Variants in MGAM observed in about 807,000 individuals in gnomAD.
MGAM encodes the protein alpha-1,4-glucosidase.
Under a neutral mutation model 358.8 loss-of-function variants are expected in MGAM, and 253 were observed. That is an observed-to-expected ratio of 0.71 (90% CI 0.64 to 0.78). The LOEUF (loss-of-function observed/expected upper bound fraction) is 0.78. MGAM is among the 30% of genes least tolerant of loss of function. MGAM has a pLI of 0.00. For missense variants in MGAM, 3,080 were observed against 3,432.6 expected (o/e 0.90, Z 2.57); for synonymous variants, 1,105 against 1,227.1 (o/e 0.90, Z 2.08).
intron 43 of MGAM, among the ~76,000 whole-genome samples, chr7:142,069,793 T>A (rs1182979141): frequency 6.9e-6 from 1 of 145,642 alleles, no homozygotes; most frequent in Non-Finnish European, 1.6e-5. Context: ...TACGTGAGAC[T>A]GGCCTTTGTC....
At chr7:142,105,292 C>T (rs1816749265) in intron 70 of MGAM, among the ~76,000 whole-genome samples, 1 of 117,110 alleles carries the variant, frequency 8.5e-6, no homozygotes, top group Admixed American at 9.3e-5. Context: ...GCATATTGAA[C>T]ATTTTTTTTT....
At chr7:142,059,332 C>A in intron 31 of MGAM, 140 bp from the exon 32 acceptor site, 1 of 1,401,870 alleles carries the variant, frequency 7.1e-7, no homozygotes, top group Non-Finnish European at 9.5e-7. Flanking sequence ...GCACCTGTAC[C>A]TAACAAATGG....
At chr7:142,020,877 C>G in intron 4 of MGAM, 97 bp from the exon 5 acceptor site, 1 of 857,492 alleles carries the variant, frequency 1.2e-6, no homozygotes, top group South Asian at 1.4e-5. Context: ...CAGGTGTGAA[C>G]CACTGCACCC....
At chr7:142,046,121 TTTA>T (rs1810374493) in intron 21 of MGAM, among the ~76,000 whole-genome samples, 1 of 144,746 alleles carries the variant, frequency 6.9e-6, no homozygotes, top group African/African-American at 2.5e-5. Flanking sequence ...TATTTATATA[TTTA>T]TTATATATTT....
chr7:142,067,591 G>C (rs1812874376), intron 42 of MGAM, among the ~76,000 whole-genome samples, 166 bp downstream of exon 42: 1 of 116,276 alleles, frequency 8.6e-6, no homozygotes, highest in Non-Finnish European at 2.2e-5. Flanking sequence ...AGGTGTTCTT[G>C]GCACTCAGCT....
At chr7:142,023,600 A>G (rs565879773) in intron 7 of MGAM, among the ~76,000 whole-genome samples, 2 of 151,966 alleles carry the variant, frequency 1.3e-5, no homozygotes, top group East Asian at 3.9e-4. Context: ...AATGGCCTGA[A>G]CCCGGGAGGT....
At chr7:142,068,525 T>G in intron 42 of MGAM, 122 bp from the exon 43 acceptor site, 1 of 793,946 alleles carries the variant, frequency 1.3e-6, no homozygotes, top group South Asian at 1.5e-5. Context: ...TGTTAACCTC[T>G]TGGGACATGA....
In MGAM at chr7:142,106,683, C is replaced by T. The variant is rs564003257; in HGVS notation, c.*792C>T. 6.6e-6 allele frequency: 1 copy of T among 152,206 alleles called. No homozygotes were observed. Among genetic ancestry groups the T allele is most frequent in the Admixed American group, 6.5e-5 (1 of 15,290 alleles). 9.4% of individuals were successfully genotyped at this position (152,206 alleles called of 1,614,324 possible). A position where few individuals can be genotyped will look rare whatever the true frequency, so the allele number is the denominator to read the frequency against. ...ATCTTATTTCTAATGTATACAACCA[C>T]ATTTCACATAAAAATATGCAATTTA... On this transcript the variant is annotated 3_prime_UTR_variant, in exon 71 of 71. Transcript: ENST00000475668.
intron 3 of MGAM, among the ~76,000 whole-genome samples, chr7:142,018,013 G>T (rs1806107565): frequency 6.6e-6 from 1 of 152,216 alleles, no homozygotes. Flanking sequence ...TAATTCATCT[G>T]TAAAATGATC....
At position 142,019,359 on chromosome 7, in the gene MGAM, T is replaced by TG. The variant is rs782531491; in HGVS notation, c.448+40_448+41insG. On this transcript the variant is annotated intron_variant, in intron 4 of 70. Transcript: ENST00000475668. Reference sequence around the variant, plus strand: ...GCCATGATGCAGGAGGTCCAGACCCTCTGGAGGTTGACTCTGTATCCCCCA... The same window carrying TG: ...GCCATGATGCAGGAGGTCCAGACCCTGCTGGAGGTTGACTCTGTATCCCCCA... 3 of 1,601,772 alleles carry TG rather than the reference T, an allele frequency of 1.9e-6. No homozygotes were observed. The South Asian group carries it at 3.3e-5, about 18-fold the overall frequency.
chr7:142,059,094 A>C (rs116092723), intron 31 of MGAM, among the ~76,000 whole-genome samples: 112 of 152,318 alleles, frequency 7.4e-4, no homozygotes, highest in African/African-American at 2.5e-3. Flanking sequence ...CTGGATAATT[A>C]ACAGTATTTT....
chr7:142,056,877 G>A lies in MGAM; in HGVS notation c.3628G>A (p.Gly1210Arg). The A allele has an allele frequency of 6.2e-7, 1 of 1,613,858 alleles. No homozygotes were observed. The highest frequency in any genetic ancestry group is 8.5e-7 in the Non-Finnish European group (1 of 1,179,850). Residue 1210 changes from glycine to arginine, a missense_variant, in exon 30 of 71, where the codon GGA (glycine) becomes AGA (arginine). By Grantham distance (125) the Gly-to-Arg change is moderately radical (BLOSUM62 -2). Coordinates refer to ENST00000475668, the MANE Select transcript of MGAM (RefSeq NM_001365693.1). ...LPALTYRTTG[G>R]VLDFYVFLGP... Reference sequence around the variant, plus strand: ...TGCCTTGACATACCGCACCACAGGGGGAGTTCTGGACTTTTATGTGTTCTT... The same window carrying A: ...TGCCTTGACATACCGCACCACAGGGAGAGTTCTGGACTTTTATGTGTTCTT...
intron 18 of MGAM, among the ~76,000 whole-genome samples, chr7:142,037,935 C>T (rs945705359): frequency 5.3e-5 from 8 of 152,132 alleles, no homozygotes; most frequent in Non-Finnish European, 8.8e-5. Context: ...TTTAAATGTA[C>T]GATTAAGTTA....
chr7:142,040,281 T>A, intron 20 of MGAM, 110 bp downstream of exon 20: 4 of 864,772 alleles, frequency 4.6e-6, no homozygotes, highest in Non-Finnish European at 7.4e-6. Context: ...GGAGTAGTTT[T>A]TAGTGTTTTC....
intron 34 of MGAM, among the ~76,000 whole-genome samples, chr7:142,062,074 C>T (rs4481500): frequency 0.52 from 78,889 of 152,018 alleles, 21,838 homozygotes; most frequent in East Asian, 0.87. Flanking sequence ...ATTCTGAAAT[C>T]GTAGAAAACA....
chr7:142,076,726 T>C lies in MGAM; in HGVS notation c.5393T>C (p.Ile1798Thr). 6.4e-7 allele frequency: 1 copy of C among 1,552,688 alleles called. No homozygotes were observed. The highest frequency in any genetic ancestry group is 8.9e-7 in the Non-Finnish European group (1 of 1,129,290). Residue 1798 changes from isoleucine to threonine, a missense_variant, in exon 47 of 71, where the codon ATT becomes ACT. By Grantham distance (89) the Ile-to-Thr change is moderately conservative (BLOSUM62 -1). This residue lies in a region of MGAM where 932 missense variants were observed against 1,198.2 expected (regional missense o/e 0.78). Transcript: ENST00000475668. Reference protein sequence around the residue: ...KDPNNLAFNEIKILGMEEPSN... With the variant: ...KDPNNLAFNETKILGMEEPSN... ...CCCAATAATTTAGCATTCAATGAGA[T>C]TAAAATTCTTGGGATGGAGGAACCT...
At chr7:142,040,520 G>C (rs1484950761) in intron 20 of MGAM, 3 of 643,512 alleles carry the variant, frequency 4.7e-6, no homozygotes, top group Non-Finnish European at 7.9e-6. Flanking sequence ...CCTCAGCATG[G>C]CATAAATTTT....
intron 21 of MGAM, among the ~76,000 whole-genome samples, chr7:142,044,537 A>G (rs1392599294): frequency 2.2e-5 from 3 of 138,054 alleles, no homozygotes; most frequent in Non-Finnish European, 4.6e-5. Context: ...CTTACGATAT[A>G]TGATATATAA....
rs1299800450 is a variant in MGAM, at chr7:142,074,607, G to T, written c.5275+434G>T. ...AGCCATACGTTTTAGCATATTTGTGGGTCCAGTATACTAACAATTCTTGTT... is the reference window on the plus strand; with the variant it reads ...AGCCATACGTTTTAGCATATTTGTGTGTCCAGTATACTAACAATTCTTGTT... On this transcript the variant is annotated intron_variant, in intron 45 of 70. Transcript: ENST00000475668. Among the ~76,000 whole-genome samples, 6 of 145,844 alleles carry T rather than the reference G, an allele frequency of 4.1e-5. 2 individuals carry two copies. Among genetic ancestry groups the T allele is most frequent in the Non-Finnish European group, 9.3e-5 (6 of 64,414 alleles).
Sources: gnomAD v4.1 joint callset for allele counts (sites outside exome capture counted in the v4.1 genomes callset) on GRCh38, gnomAD v4.1.1 for gene constraint, gnomAD v4.1.1 regional missense constraint, MANE v1.5 for transcripts, NCBI Gene and HGNC (gene_info 2026-07-23, HGNC 2026-07-21) for gene names.